GOLGA6L2: variants seen among roughly 807,000 people sequenced by gnomAD.
GOLGA6L2 encodes golgin subfamily A member 6-like protein 2.
In GOLGA6L2, 30 loss-of-function variants were observed where a neutral mutation model predicts 35.9. That is an observed-to-expected ratio of 0.83 (90% CI 0.62 to 1.13). GOLGA6L2 has a LOEUF of 1.13. Ranked by LOEUF, GOLGA6L2 falls within the 50% of genes most tolerant of loss-of-function variation. The pLI, the probability that GOLGA6L2 is intolerant of heterozygous loss-of-function variation, is 0.00. For synonymous variants in GOLGA6L2, 297 were observed against 344.0 expected, an observed-to-expected ratio of 0.86 and a Z score of 1.51; for missense variants, 821 against 973.4, an observed-to-expected ratio of 0.84 and a Z score of 2.08.
chr15:23,447,017 T>G, intron 1 of GOLGA6L2, 81 bp downstream of exon 1: 1 of 682,478 alleles, frequency 1.5e-6, no homozygotes, highest in East Asian at 3.0e-5. Context: ...TGGAATGGCA[T>G]GGACTCTGGC....
rs1456090991 is a variant in GOLGA6L2, at chr15:23,441,167, C to A, written c.1308G>T (p.Glu436Asp). 6.5e-7 allele frequency: 1 copy of A among 1,538,734 alleles called. No individual in the cohort carries two copies. The highest frequency in any genetic ancestry group is 8.7e-7 in the Non-Finnish European group (1 of 1,146,572). The change falls in exon 8 of 8, where the codon GAG becomes GAT. Residue 436 changes from glutamate to aspartate, a missense_variant. By Grantham distance (45) the Glu-to-Asp change is conservative. Transcript: ENST00000567107. ...MREEKKMQEQ[E>D]KKTRDQEEKM... The stretch of plus-strand genomic sequence containing the variant: ...TCTCCTCCTGGTCCCGCGTCTTCTT[C>A]TCCTGCTCCTGCATCTTCTTCTCCT...
Position 23,444,185 on chromosome 15 carries a change from C to A in GOLGA6L2, c.271G>T (p.Glu91Ter), listed in dbSNP as rs1163913062. Reference sequence around the variant, plus strand: ...ACCTCTATCTCCCGCCTTAGGGCTTCCTGATGTTGGTGGCTTGCCTTCTTT... The same window carrying A: ...ACCTCTATCTCCCGCCTTAGGGCTTACTGATGTTGGTGGCTTGCCTTCTTT... ...EEKKASHQHQ[E>*]ALRREIEAQD... The change falls in exon 4 of 8, where the codon GAA becomes TAA. Residue 91 changes from glutamate (E) to a stop codon, truncating the protein, a stop_gained. Transcript: ENST00000567107. LOFTEE classifies it high-confidence loss of function. 6.2e-7 allele frequency: 1 copy of A among 1,604,890 alleles called. No individual in the cohort carries two copies. The highest frequency in any genetic ancestry group is 1.7e-5 in the Admixed American group (1 of 59,782).
chr15:23,441,750 T>C (rs2070695977), intron 7 of GOLGA6L2, 68 bp from the exon 8 acceptor site: 2 of 1,426,532 alleles, frequency 1.4e-6, no homozygotes, highest in East Asian at 2.5e-5. Flanking sequence ...TTTTCATCTA[T>C]GATTCTTTAA....
intron 2 of GOLGA6L2, among the ~76,000 whole-genome samples, chr15:23,445,101 AT>A (rs1236335856): frequency 2.9e-5 from 2 of 69,556 alleles, no homozygotes; most frequent in African/African-American, 6.2e-5. Flanking sequence ...AAACATTACC[AT>A]CCCCATTTTA....
chr15:23,443,883 C>T lies in GOLGA6L2; in HGVS notation c.485G>A (p.Gly162Glu), dbSNP rs1333793761. Residue 162 changes from glycine (G) to glutamate (E), a missense_variant, in exon 5 of 8, where the codon GGA becomes GAA. Physicochemically the swap from Gly to Glu is moderately conservative, Grantham distance 98 (BLOSUM62 -2). This residue lies in a region of GOLGA6L2 where 614 missense variants were observed against 632.3 expected (regional missense o/e 0.97). Transcript: ENST00000567107. Reference sequence around the variant, plus strand: ...GCGGCCGGCGAGATCCTTGGACTCTCCTGGAATGAGAGAGGTTGAGACACA... The same window carrying T: ...GCGGCCGGCGAGATCCTTGGACTCTTCTGGAATGAGAGAGGTTGAGACACA... Reference protein sequence around the residue: ...LGCVSTSLIPGESKDLAGRLH... With the variant: ...LGCVSTSLIPEESKDLAGRLH... The T allele has an allele frequency of 1.9e-6, 3 of 1,543,034 alleles. No homozygotes were observed. The highest frequency in any genetic ancestry group is 1.9e-5 in the Admixed American group (1 of 51,562).
intron 5 of GOLGA6L2, among the ~76,000 whole-genome samples, chr15:23,442,847 C>T (rs971774012): frequency 1.3e-5 from 2 of 152,016 alleles, no homozygotes; most frequent in Admixed American, 6.6e-5. Flanking sequence ...ACCTGGCTCT[C>T]ACTTGTTTTT....
intron 5 of GOLGA6L2, 67 bp from the exon 6 acceptor site, chr15:23,442,575 C>A (rs1174294250): frequency 6.3e-6 from 9 of 1,430,656 alleles, no homozygotes; most frequent in Admixed American, 1.9e-5. Context: ...CCAGGAACAA[C>A]AGCTACACTG....
chr15:23,442,820 C>T (rs1461103439), intron 5 of GOLGA6L2, among the ~76,000 whole-genome samples: 1 of 152,154 alleles, frequency 6.6e-6, no homozygotes, highest in Non-Finnish European at 1.5e-5. Flanking sequence ...GCTGGGATTA[C>T]AGGCATGCGC....
chr15:23,441,142 TCTC>T lies in GOLGA6L2; in HGVS notation c.1330_1332del (p.Glu444del), dbSNP rs1366437593. On this transcript the variant is annotated inframe_deletion, in exon 8 of 8. Transcript: ENST00000567107. ...CGTATCCTCTCCTCCTCTTGCATCTTCTCCTCCTGGTCCCGCGTCTTCTTCTCC... is the reference window on the plus strand; with the variant it reads ...CGTATCCTCTCCTCCTCTTGCATCTTCTCCTGGTCCCGCGTCTTCTTCTCC... 7 of 1,528,852 alleles carry T rather than the reference TCTC, an allele frequency of 4.6e-6. No homozygotes were observed. Among genetic ancestry groups the T allele is most frequent in the East Asian group, 5.0e-5 (2 of 40,046 alleles). 94.7% of individuals were successfully genotyped at this position (1,528,852 alleles called of 1,614,324 possible). A position where few individuals can be genotyped will look rare whatever the true frequency, so the allele number is the denominator to read the frequency against.
Position 23,440,905 on chromosome 15 carries a change from C to T in GOLGA6L2, c.1570G>A (p.Glu524Lys). The T allele has an allele frequency of 4.7e-6, 7 of 1,474,088 alleles. No homozygotes were observed. The highest frequency in any genetic ancestry group is 6.4e-6 in the Non-Finnish European group (7 of 1,094,108). The allele number at this position is 1,474,088 out of a possible 1,614,324, so 91.3% of individuals were successfully genotyped here. ...TTCTTCTCCTGCCCCCACATCTCCT[C>T]CTGGTCCCGTATCTTCTCCTCCTGC... ...WEQEEKIRDQEEMWGQEKKMW... is the reference protein window; with the variant it reads ...WEQEEKIRDQKEMWGQEKKMW... The change falls in exon 8 of 8, where the codon GAG (glutamate) becomes AAG (lysine). Residue 524 changes from glutamate (E) to lysine (K), a missense_variant. Transcript: ENST00000567107.
At chr15:23,442,946 C>T (rs12911665) in intron 5 of GOLGA6L2, among the ~76,000 whole-genome samples, 122,408 of 151,858 alleles carry the variant, frequency 0.81, 50,094 homozygotes, top group Middle Eastern at 0.88. Flanking sequence ...GATAATATTG[C>T]TATTGCTATT....
chr15:23,442,959 T>C (rs527329623), intron 5 of GOLGA6L2, among the ~76,000 whole-genome samples: 1 of 152,304 alleles, frequency 6.6e-6, no homozygotes, highest in Admixed American at 6.5e-5. Flanking sequence ...TTGCTATTAC[T>C]GTTATTACTG....
chr15:23,446,569 A>G (rs1451867320), intron 1 of GOLGA6L2, among the ~76,000 whole-genome samples: 2 of 152,154 alleles, frequency 1.3e-5, no homozygotes, highest in Admixed American at 6.5e-5. Flanking sequence ...AGGGCCAGGG[A>G]CACATCAGTG....
At position 23,442,433 on chromosome 15, in the gene GOLGA6L2, A is replaced by C. The variant is rs1354274010; in HGVS notation, c.650+17T>G. On this transcript the variant is annotated intron_variant, in intron 6 of 7. Transcript: ENST00000567107. Reference sequence around the variant, plus strand: ...TAAGGGCCCCCAGACCTCCCATCCCACCTTCCCCCATCCTACGTGTTCCTG... The same window carrying C: ...TAAGGGCCCCCAGACCTCCCATCCCCCCTTCCCCCATCCTACGTGTTCCTG... 1.4e-6 allele frequency: 2 copies of C among 1,476,450 alleles called. No homozygotes were observed. Among genetic ancestry groups the C allele is most frequent in the Admixed American group, 2.0e-5 (1 of 51,078 alleles). 91.5% of individuals were successfully genotyped at this position (1,476,450 alleles called of 1,614,324 possible). A position where few individuals can be genotyped will look rare whatever the true frequency, so the allele number is the denominator to read the frequency against.
intron 3 of GOLGA6L2, 81 bp from the exon 4 acceptor site, chr15:23,444,293 A>C (rs575978360): frequency 8.3e-5 from 126 of 1,526,200 alleles, no homozygotes; most frequent in South Asian, 5.0e-4. Flanking sequence ...AATGGCACCA[A>C]TGCCCCAGGA....
chr15:23,443,783 T>C lies in GOLGA6L2; in HGVS notation c.585A>G (p.Ala195=). The change falls in exon 5 of 8, where the codon GCA becomes GCG. Residue 195 remains alanine, a synonymous_variant. Transcript: ENST00000567107. The part of the protein sequence containing the change: ...LSAVSTWHKK[A]DRYIEELTKE... ...GGGAGGTGATTGGACTTACCCTGTC[T>C]GCCTTCTTGTGCCATGTGGACACAG... 1 of 1,537,192 alleles carries C rather than the reference T, an allele frequency of 6.5e-7. No individual in the cohort carries two copies. Among genetic ancestry groups the C allele is most frequent in the Middle Eastern group, 1.7e-4 (1 of 5,984 alleles).
Position 23,439,149 on chromosome 15 carries a change from G to A in GOLGA6L2, c.*596C>T. ...ACATAGATATCAGAGTCCTCAGGTA[G>A]AAACTTTTTTTTTTTTTTTGAGATG... On this transcript the variant is annotated 3_prime_UTR_variant, in exon 8 of 8. Transcript: ENST00000567107. 1.3e-5 allele frequency among the ~76,000 whole-genome samples: 1 copy of A among 78,626 alleles called. No individual in the cohort carries two copies. Among genetic ancestry groups the A allele is most frequent in the African/African-American group, 5.0e-5 (1 of 20,198 alleles). 51.6% of individuals were successfully genotyped at this position (78,626 alleles called of 152,430 possible).
chr15:23,444,010 A>C lies in GOLGA6L2; in HGVS notation c.358T>G (p.Tyr120Asp). Residue 120 changes from tyrosine to aspartate, a missense_variant, in exon 5 of 8, where the codon TAC becomes GAC. By Grantham distance (160) the Tyr-to-Asp change is radical. This residue lies in a region of GOLGA6L2 where 614 missense variants were observed against 632.3 expected (regional missense o/e 0.97). Transcript: ENST00000567107. ...AATTTCCTGGCAGCATCCTGGCTGTAATAGAGCGCTGTCTCCAGTTCAGTT... is the reference window on the plus strand; with the variant it reads ...AATTTCCTGGCAGCATCCTGGCTGTCATAGAGCGCTGTCTCCAGTTCAGTT... ...QKTELETALY[Y>D]SQDAARKFED... The C allele has an allele frequency of 6.4e-7, 1 of 1,552,534 alleles. No individual in the cohort carries two copies. The highest frequency in any genetic ancestry group is 8.7e-7 in the Non-Finnish European group (1 of 1,155,366).
In GOLGA6L2 at chr15:23,439,302, G is replaced by C. The variant is rs370112361; in HGVS notation, c.*443C>G. 2.6e-5 allele frequency among the ~76,000 whole-genome samples: 4 copies of C among 151,872 alleles called. No homozygotes were observed. Among genetic ancestry groups the C allele is most frequent in the South Asian group, 4.2e-4 (2 of 4,790 alleles). ...TAACTTGTATTTTTAGTAGAGACGG[G>C]GTTTCATCATGTTGGCCAGGCTGGT... On this transcript the variant is annotated 3_prime_UTR_variant, in exon 8 of 8. Transcript: ENST00000567107.
Sources: allele counts gnomAD v4.1 joint callset (sites outside exome capture counted in the v4.1 genomes callset), GRCh38; gene constraint gnomAD v4.1.1; regional missense constraint gnomAD v4.1.1; transcripts MANE v1.5; gene names NCBI Gene and HGNC (gene_info 2026-07-23, HGNC 2026-07-21).